The following IRAK3 variants were observed in gnomAD, a reference collection of about 807,000 sequenced individuals.
IRAK3 encodes interleukin 1 receptor associated kinase 3.
In IRAK3, 57 loss-of-function variants were observed where a neutral mutation model predicts 56.6. The observed-to-expected ratio is 1.01, with a 90% CI of 0.81 to 1.26. The LOEUF is 1.26. Ranked by LOEUF, IRAK3 falls within the 50% of genes most tolerant of loss-of-function variation. The probability of loss-of-function intolerance (pLI) is 0.00; values close to 1 mark genes in which losing one functional copy is unlikely to be tolerated. For missense variants in IRAK3, 703 were observed against 719.0 expected (o/e 0.98, Z 0.25); for synonymous variants, 258 against 255.7 (o/e 1.01, Z -0.09).
chr12:66,224,092 T>C (rs1288992081), intron 6 of IRAK3, among the ~76,000 whole-genome samples: 1 of 152,180 alleles, frequency 6.6e-6, no homozygotes, highest in African/African-American at 2.4e-5. Flanking sequence ...ATGTTGGCTA[T>C]TCCTGGGGTA....
chr12:66,232,315 T>C (rs2052852603), intron 8 of IRAK3, among the ~76,000 whole-genome samples: 1 of 152,172 alleles, frequency 6.6e-6, no homozygotes, highest in Admixed American at 6.5e-5. Context: ...TTGAGAACTG[T>C]GGTTTCACAA....
chr12:66,247,575 T>C, intron 11 of IRAK3, 120 bp from the exon 12 acceptor site: 1 of 722,018 alleles, frequency 1.4e-6, no homozygotes, highest in Non-Finnish European at 2.4e-6. Context: ...TAATTCAAAA[T>C]TCTATAGCTG....
intron 6 of IRAK3, among the ~76,000 whole-genome samples, chr12:66,220,729 C>G (rs183588999): frequency 1.4e-3 from 214 of 151,802 alleles, no homozygotes; most frequent in African/African-American, 4.6e-3. Context: ...ACCGTTTTAG[C>G]CGGGACGGTC....
At chr12:66,196,833 G>A in intron 1 of IRAK3, 4 of 1,436,786 alleles carry the variant, frequency 2.8e-6, no homozygotes, top group Non-Finnish European at 3.6e-6. Context: ...CTAATTTTTT[G>A]CATGCTTTGT....
intron 6 of IRAK3, among the ~76,000 whole-genome samples, chr12:66,220,542 A>T (rs2136933109): frequency 8.2e-5 from 1 of 12,144 alleles, no homozygotes; most frequent in Admixed American, 1.3e-3. Flanking sequence ...TTTTTTTGAG[A>T]CGGAGTCTCG....
At chr12:66,224,226 G>C (rs1484448689) in intron 6 of IRAK3, among the ~76,000 whole-genome samples, 1 of 152,144 alleles carries the variant, frequency 6.6e-6, no homozygotes. Flanking sequence ...CCATTTTGCA[G>C]ATGAGGAAAC....
rs1454863942 is a variant in IRAK3, at chr12:66,235,334, C to A, written c.887+6964C>A. ...GCGCGGGCGCGGGGCAGCCTGGGCG[C>A]GGGGCAGCCTCGCCGCGAGGGGGAG... On this transcript the variant is annotated intron_variant, in intron 8 of 11. Transcript: ENST00000261233. 3 of 1,075,218 alleles carry A rather than the reference C, an allele frequency of 2.8e-6. No homozygotes were observed. The African/African-American group carries it at 5.0e-5, about 18-fold the overall frequency. The allele number at this position is 1,075,218 out of a possible 1,614,324, so 66.6% of individuals were successfully genotyped here. A position where few individuals can be genotyped will look rare whatever the true frequency, so the allele number is the denominator to read the frequency against.
chr12:66,210,081 T>A, intron 3 of IRAK3, 66 bp from the exon 4 acceptor site: 2 of 1,035,262 alleles, frequency 1.9e-6, no homozygotes, highest in Admixed American at 3.4e-5. Flanking sequence ...TTTGGATTTG[T>A]GTTGAGGCTC....
At position 66,235,225 on chromosome 12, in the gene IRAK3, G is replaced by C. The variant is rs977407259; in HGVS notation, c.887+6855G>C. The stretch of plus-strand genomic sequence containing the variant: ...GGGCTGGGACCAGAGACTGCTGCTT[G>C]CGATAGGGCGTCCGGCAGTTGCTGC... On this transcript the variant is annotated intron_variant, in intron 8 of 11. Coordinates refer to ENST00000261233, the MANE Select transcript of IRAK3 (RefSeq NM_007199.3). 3.1e-6 allele frequency: 5 copies of C among 1,609,668 alleles called. No individual in the cohort carries two copies. The Admixed American group carries it at 6.7e-5, about 22-fold the overall frequency.
chr12:66,234,712 A>T, intron 8 of IRAK3: 1 of 1,603,278 alleles, frequency 6.2e-7, no homozygotes. Flanking sequence ...TAACAGCTTC[A>T]CATTTTTCTG....
rs905888686 is a variant in IRAK3 at position 66,251,261 on chromosome 12, A to G, written c.*3090A>G. On this transcript the variant is annotated 3_prime_UTR_variant, in exon 12 of 12. Transcript: ENST00000261233. Reference sequence around the variant, plus strand: ...GAAGTACCAAATCTTCTGTTGAGTGATTCAGTCTTCCTGACTAGATTTGCC... The same window carrying G: ...GAAGTACCAAATCTTCTGTTGAGTGGTTCAGTCTTCCTGACTAGATTTGCC... 31 of 152,204 alleles carry G rather than the reference A, an allele frequency of 2.0e-4. No homozygotes were observed. Among genetic ancestry groups the G allele is most frequent in the African/African-American group, 7.5e-4 (31 of 41,444 alleles). 9.4% of individuals were successfully genotyped at this position (152,204 alleles called of 1,614,324 possible).
intron 8 of IRAK3, chr12:66,235,266 C>A (rs949694381): frequency 2.2e-5 from 35 of 1,557,462 alleles, no homozygotes; most frequent in Non-Finnish European, 2.9e-5. Context: ...CCGGGGTTGC[C>A]GCTGCTGCTG....
chr12:66,236,308 G>A (rs2052907012), intron 8 of IRAK3, among the ~76,000 whole-genome samples: 1 of 151,298 alleles, frequency 6.6e-6, no homozygotes, highest in African/African-American at 2.4e-5. Flanking sequence ...TAGCACTTTG[G>A]GAGGCTGAGA....
At chr12:66,236,547 G>A (rs1000027530) in intron 8 of IRAK3, among the ~76,000 whole-genome samples, 9 of 151,554 alleles carry the variant, frequency 5.9e-5, no homozygotes, top group African/African-American at 1.9e-4. Context: ...CAGTCTGGGC[G>A]ATAGAACAAG....
At chr12:66,247,586 A>T (rs1406773708) in intron 11 of IRAK3, 109 bp from the exon 12 acceptor site, 4 of 764,142 alleles carry the variant, frequency 5.2e-6, no homozygotes, top group African/African-American at 3.5e-5. Context: ...TCTATAGCTG[A>T]ACTAATTTCA....
chr12:66,195,285 C>T (rs1234991528), intron 1 of IRAK3, among the ~76,000 whole-genome samples: 1 of 152,184 alleles, frequency 6.6e-6, no homozygotes, highest in African/African-American at 2.4e-5. Flanking sequence ...ATCTTGGCAC[C>T]AACCACCATC....
chr12:66,227,576 CATAA>C (rs376888092), intron 7 of IRAK3, among the ~76,000 whole-genome samples: 196 of 126,672 alleles, frequency 1.5e-3, no homozygotes, highest in South Asian at 3.3e-3. Flanking sequence ...GAGACTCTGT[CATAA>C]ATAAATAAAT....
rs1358197696 is a variant in IRAK3, at chr12:66,253,084, T to C, written c.*4913T>C. ...CCCTAATGGCTGGCACAGTACCTGG[T>C]GCATAATATGGTTCAACAAATATTT... is the stretch of plus-strand genomic sequence containing the variant. On this transcript the variant is annotated 3_prime_UTR_variant, in exon 12 of 12. Transcript: ENST00000261233. The C allele has an allele frequency of 4.6e-5, 7 of 152,248 alleles. No individual in the cohort carries two copies. Among genetic ancestry groups the C allele is most frequent in the African/African-American group, 1.7e-4 (7 of 41,468 alleles). The allele number at this position is 152,248 out of a possible 1,614,324, so 9.4% of individuals were successfully genotyped here. A position where few individuals can be genotyped will look rare whatever the true frequency, so the allele number is the denominator to read the frequency against.
chr12:66,227,689 C>T (rs904698354), intron 7 of IRAK3, among the ~76,000 whole-genome samples: 1 of 149,578 alleles, frequency 6.7e-6, no homozygotes, highest in Admixed American at 6.7e-5. Context: ...AGCCCAGGGA[C>T]ATGGAGGCTG....
Sources: allele counts gnomAD v4.1 joint callset (sites outside exome capture counted in the v4.1 genomes callset), GRCh38; gene constraint gnomAD v4.1.1; transcripts MANE v1.5; gene names NCBI Gene and HGNC (gene_info 2026-07-23, HGNC 2026-07-21).